CADM2: variants seen among roughly 807,000 people sequenced by gnomAD.
CADM2 encodes immunoglobulin superfamily member 4D.
A neutral mutation model predicts 49.8 loss-of-function variants in CADM2; 12 were observed. That is an observed-to-expected ratio of 0.24 (90% CI 0.15 to 0.39). CADM2 has a LOEUF of 0.39. Ranked by LOEUF, CADM2 falls within the 10% of genes least tolerant of loss-of-function variation. The pLI is 1.00. For synonymous variants in CADM2, 214 were observed against 175.4 expected, an observed-to-expected ratio of 1.22 and a Z score of -1.74; for missense variants, 378 against 492.3, an observed-to-expected ratio of 0.77 and a Z score of 2.20.
intron 1 of CADM2, among the ~76,000 whole-genome samples, chr3:84,967,290 T>C (rs1289601550): frequency 1.3e-5 from 2 of 152,244 alleles, no homozygotes; most frequent in South Asian, 2.1e-4. Flanking sequence ...TATTTAAACA[T>C]CAAGGCCTAA....
intron 1 of CADM2, among the ~76,000 whole-genome samples, chr3:85,211,280 T>G (rs575237300): frequency 6.6e-6 from 1 of 152,268 alleles, no homozygotes; most frequent in South Asian, 2.1e-4. Flanking sequence ...ATTTCTTTCA[T>G]TCCAATTTCA....
chr3:86,033,155 G>A (rs62263322), intron 8 of CADM2, among the ~76,000 whole-genome samples: 46,190 of 151,408 alleles, frequency 0.31, 8,352 homozygotes, highest in Admixed American at 0.39. Context: ...CCTGAATTCA[G>A]TGGTTGAAGA....
chr3:85,797,066 C>G (rs959444310), intron 2 of CADM2, among the ~76,000 whole-genome samples: 1 of 149,266 alleles, frequency 6.7e-6, no homozygotes, highest in Non-Finnish European at 1.5e-5. Context: ...TGCACTCCAG[C>G]CTGGCAAGAG....
intron 1 of CADM2, among the ~76,000 whole-genome samples, chr3:85,097,062 A>G (rs1312463799): frequency 6.6e-6 from 1 of 152,070 alleles, no homozygotes; most frequent in Non-Finnish European, 1.5e-5. Flanking sequence ...GGTTTGTTAC[A>G]TATGTATACA....
chr3:85,886,271 C>A lies in CADM2; in HGVS notation c.473C>A (p.Ser158Tyr). ...GDLMQLTCKT[S>Y]GSKPAADIRW... ...TTGATGCAGCTGACTTGCAAAACAT[C>A]TGGTAGTAAACCTGCAGCTGATATA... Residue 158 changes from serine to tyrosine, a missense_variant, in exon 5 of 10, where the codon TCT (serine) becomes TAT (tyrosine). Coordinates refer to ENST00000383699, the MANE Select transcript of CADM2 (RefSeq NM_001167675.2). The A allele has an allele frequency of 6.2e-7, 1 of 1,613,834 alleles. No individual in the cohort carries two copies.
chr3:85,025,203 T>C (rs142281118), intron 1 of CADM2, among the ~76,000 whole-genome samples: 51 of 152,284 alleles, frequency 3.3e-4, no homozygotes, highest in Non-Finnish European at 3.5e-4. Flanking sequence ...GGTTCTTTCA[T>C]GTTCCAGTTG....
At chr3:85,452,582 A>C (rs1003131484) in intron 1 of CADM2, among the ~76,000 whole-genome samples, 10 of 152,062 alleles carry the variant, frequency 6.6e-5, no homozygotes, top group Non-Finnish European at 1.2e-4. Flanking sequence ...ACAACAACAA[A>C]AAAGAGACAA....
chr3:84,982,723 A>ATATG (rs2032267723), intron 1 of CADM2, among the ~76,000 whole-genome samples: 2 of 138,524 alleles, frequency 1.4e-5, no homozygotes. Context: ...ATATATATAT[A>ATATG]TATATATATA....
intron 1 of CADM2, 67 bp downstream of exon 1, chr3:84,959,735 C>A: frequency 7.3e-7 from 1 of 1,377,818 alleles, no homozygotes; most frequent in Non-Finnish European, 1.0e-6. Context: ...CATTCCACCC[C>A]ATATTTCCAC....
chr3:85,491,352 G>A (rs1348200918), intron 1 of CADM2, among the ~76,000 whole-genome samples: 1 of 152,098 alleles, frequency 6.6e-6, no homozygotes, highest in African/African-American at 2.4e-5. Context: ...TAATGACAAT[G>A]TTAAGGGAGT....
At chr3:85,428,529 T>TAC (rs1381635457) in intron 1 of CADM2, among the ~76,000 whole-genome samples, 2 of 145,800 alleles carry the variant, frequency 1.4e-5, no homozygotes, top group African/African-American at 2.5e-5. Context: ...GGCATATATA[T>TAC]ACACACACAT....
chr3:85,953,195 A>G (rs1263131032), intron 7 of CADM2, among the ~76,000 whole-genome samples: 2 of 150,932 alleles, frequency 1.3e-5, no homozygotes, highest in African/African-American at 4.8e-5. Context: ...TTTTCGTCCT[A>G]TAGACTTTCT....
rs74850280 is a variant in CADM2, at chr3:85,344,380, A to AAAATAAATAAAT, written c.62-382111_62-382100dup. Among the ~76,000 whole-genome samples the AAAATAAATAAAT allele has an allele frequency of 8.6e-3, 1,202 of 140,352 alleles. 9 individuals carry two copies. Among genetic ancestry groups the AAAATAAATAAAT allele is most frequent in the Non-Finnish European group, 0.013 (843 of 65,556 alleles). The allele number at this position is 140,352 out of a possible 152,430, so 92.1% of individuals were successfully genotyped here. ...CAGCGACAGAGTGAGACACCATCTC[A>AAAATAAATAAAT]AAATAAATAAATAAATAAATAAATA... On this transcript the variant is annotated intron_variant, in intron 1 of 9. Transcript: ENST00000383699.
At chr3:85,990,013 C>CAA (rs58178176) in intron 8 of CADM2, among the ~76,000 whole-genome samples, 129 of 9,660 alleles carry the variant, frequency 0.013, 1 homozygote, top group Non-Finnish European at 0.02. Context: ...ACTCCATGTC[C>CAA]AAAAAAAAAA....
At chr3:86,061,178 T>A (rs1370293570) in intron 8 of CADM2, among the ~76,000 whole-genome samples, 6 of 152,092 alleles carry the variant, frequency 3.9e-5, no homozygotes, top group African/African-American at 1.4e-4. Context: ...TCATGCTGAT[T>A]ATGTATAATA....
At chr3:85,419,272 G>T (rs974147440) in intron 1 of CADM2, among the ~76,000 whole-genome samples, 1 of 148,274 alleles carries the variant, frequency 6.7e-6, no homozygotes, top group Non-Finnish European at 1.5e-5. Flanking sequence ...TGGCTAACAC[G>T]TTGAAACCCC....
intron 1 of CADM2, among the ~76,000 whole-genome samples, chr3:85,381,816 T>G (rs2107357289): frequency 6.6e-6 from 1 of 152,156 alleles, no homozygotes; most frequent in Non-Finnish European, 1.5e-5. Flanking sequence ...TAAGGATGTC[T>G]CTACCTTTGG....
At chr3:85,488,888 C>G (rs1323915632) in intron 1 of CADM2, among the ~76,000 whole-genome samples, 2 of 152,094 alleles carry the variant, frequency 1.3e-5, no homozygotes, top group East Asian at 3.9e-4. Context: ...ATGCTTGTAG[C>G]TCATACATGT....
At chr3:85,112,551 T>C (rs532018845) in intron 1 of CADM2, among the ~76,000 whole-genome samples, 99 of 151,960 alleles carry the variant, frequency 6.5e-4, no homozygotes, top group African/African-American at 2.3e-3. Context: ...CGTATAAAGT[T>C]GACCTACAAT....
Sources: allele counts gnomAD v4.1 joint callset (sites outside exome capture counted in the v4.1 genomes callset), GRCh38; gene constraint gnomAD v4.1.1; transcripts MANE v1.5; gene names NCBI Gene and HGNC (gene_info 2026-07-23, HGNC 2026-07-21).